The following NBAS variants were observed in gnomAD, a reference collection of about 807,000 sequenced individuals.
NBAS encodes NBAS subunit of NRZ tethering complex.
In NBAS, 219 loss-of-function variants were observed where a neutral mutation model predicts 302.5. That is an observed-to-expected ratio of 0.72 (90% CI 0.65 to 0.81). The LOEUF (loss-of-function observed/expected upper bound fraction) is 0.81. Ranked by LOEUF, NBAS falls within the 30% of genes least tolerant of loss-of-function variation. The pLI, the probability that NBAS is intolerant of heterozygous loss-of-function variation, is 0.00. For missense variants in NBAS, 2,932 were observed against 2,841.6 expected, an observed-to-expected ratio of 1.03 and a Z score of -0.72; for synonymous variants, 1,118 against 1,021.6, an observed-to-expected ratio of 1.09 and a Z score of -1.80.
intron 3 of NBAS, among the ~76,000 whole-genome samples, chr2:15,555,277 A>T (rs1664593286): frequency 6.6e-6 from 1 of 151,710 alleles, no homozygotes; most frequent in African/African-American, 2.4e-5. Flanking sequence ...AAAAAAAAAA[A>T]TTAGTAATAT....
chr2:15,292,893 A>T, intron 40 of NBAS, 127 bp from the exon 41 acceptor site: 1 of 951,964 alleles, frequency 1.1e-6, no homozygotes, highest in East Asian at 2.6e-5. Flanking sequence ...CCATTTCATA[A>T]GGCTCACAAC....
intron 7 of NBAS, 65 bp downstream of exon 7, chr2:15,539,158 A>T: frequency 6.3e-7 from 1 of 1,597,668 alleles, no homozygotes; most frequent in Non-Finnish European, 8.6e-7. Flanking sequence ...ACACTCTTTT[A>T]TTCAAGTACC....
At chr2:15,402,528 TATCAGCTGAA>T (rs71850937) in intron 25 of NBAS, among the ~76,000 whole-genome samples, 1,905 of 152,288 alleles carry the variant, frequency 0.013, 37 homozygotes, top group African/African-American at 0.043. Context: ...ATAAGCTATG[TATCAGCTGAA>T]AACAGATTCT....
chr2:15,323,466 C>T (rs1671914755), intron 38 of NBAS, among the ~76,000 whole-genome samples: 1 of 152,172 alleles, frequency 6.6e-6, no homozygotes, highest in African/African-American at 2.4e-5. Flanking sequence ...AGAATGGACA[C>T]ATGAGGCTGG....
chr2:15,535,021 A>T (rs946449823), intron 8 of NBAS, among the ~76,000 whole-genome samples: 1 of 152,238 alleles, frequency 6.6e-6, no homozygotes, highest in African/African-American at 2.4e-5. Context: ...ATCATGAGCT[A>T]TTCATACAAT....
At chr2:15,149,961 G>C in the NBAS span, among the ~76,000 whole-genome samples, 1 of 150,966 alleles carries the variant, frequency 6.6e-6, no homozygotes, top group Non-Finnish European at 1.5e-5. Context: ...TGTAGTCCCA[G>C]TACTTTGAGA....
At chr2:14,948,101 T>C in the NBAS span, among the ~76,000 whole-genome samples, 1 of 152,076 alleles carries the variant, frequency 6.6e-6, no homozygotes, top group African/African-American at 2.4e-5. Context: ...AGGATAACTA[T>C]AGTCTACATT....
chr2:15,310,260 T>A (rs1262160661), intron 38 of NBAS, among the ~76,000 whole-genome samples: 1 of 152,184 alleles, frequency 6.6e-6, no homozygotes, highest in Non-Finnish European at 1.5e-5. Flanking sequence ...GAACTCTAAA[T>A]TTCCTGTGGA....
At chr2:15,328,369 A>G (rs1368155845) in intron 36 of NBAS, 57 bp from the exon 37 acceptor site, 1 of 1,426,122 alleles carries the variant, frequency 7.0e-7, no homozygotes, top group Non-Finnish European at 9.9e-7. Flanking sequence ...GCAAGGAGGT[A>G]GAAGAAGTAA....
chr2:15,394,726 C>A (rs1428607245), intron 27 of NBAS, among the ~76,000 whole-genome samples: 1 of 151,962 alleles, frequency 6.6e-6, no homozygotes, highest in Non-Finnish European at 1.5e-5. Flanking sequence ...CTGTTATAGG[C>A]AAGACTACTA....
intron 48 of NBAS, among the ~76,000 whole-genome samples, chr2:15,206,329 A>T (rs1416055540): frequency 2.0e-5 from 3 of 152,170 alleles, no homozygotes; most frequent in Non-Finnish European, 4.4e-5. Context: ...GTGTACACTC[A>T]TATGCACAAA....
the NBAS span, among the ~76,000 whole-genome samples, chr2:14,798,891 C>G: frequency 1.9e-4 from 29 of 152,098 alleles, no homozygotes; most frequent in East Asian, 4.8e-3. Context: ...ATTTTAAGAT[C>G]TGTAGAATCT....
the NBAS span, among the ~76,000 whole-genome samples, chr2:15,102,981 AAGGAAGGAAGG>A: frequency 3.3e-5 from 1 of 30,286 alleles, no homozygotes; most frequent in Non-Finnish European, 1.3e-4. Context: ...ATTAAGGAGG[AAGGAAGGAAGG>A]AAGGAAGGAA....
chr2:15,233,124 T>C (rs914237459), intron 46 of NBAS, among the ~76,000 whole-genome samples: 7 of 152,210 alleles, frequency 4.6e-5, no homozygotes, highest in African/African-American at 1.7e-4. Flanking sequence ...ATGTCTTTGT[T>C]ATTTCGTGCC....
intron 16 of NBAS, among the ~76,000 whole-genome samples, chr2:15,469,068 A>G (rs1302871859): frequency 1.3e-5 from 2 of 151,964 alleles, no homozygotes. Context: ...CCTCCCAACT[A>G]TTTCCTCCAA....
At chr2:15,157,665 C>T in the NBAS span, among the ~76,000 whole-genome samples, 49 of 152,116 alleles carry the variant, frequency 3.2e-4, no homozygotes, top group African/African-American at 1.2e-3. Context: ...TATTTTTGCC[C>T]TAGAGAGAAG....
At chr2:14,925,442 T>C in the NBAS span, among the ~76,000 whole-genome samples, 57 of 152,348 alleles carry the variant, frequency 3.7e-4, no homozygotes, top group East Asian at 0.011. Context: ...TTGCCAATTA[T>C]TAATTAAATT....
intron 6 of NBAS, among the ~76,000 whole-genome samples, chr2:15,548,697 T>C (rs751994118): frequency 8.6e-5 from 13 of 151,662 alleles, no homozygotes; most frequent in Admixed American, 3.3e-4. Flanking sequence ...AAGTAAGTGC[T>C]GTGATATAGG....
chr2:14,986,656 T>C, the NBAS span, among the ~76,000 whole-genome samples: 269 of 152,218 alleles, frequency 1.8e-3, no homozygotes, highest in Middle Eastern at 6.8e-3. Context: ...AAATAGACCA[T>C]AGCTTACCAC....
Sources: allele counts gnomAD v4.1 joint callset (sites outside exome capture counted in the v4.1 genomes callset), GRCh38; gene constraint gnomAD v4.1.1; transcripts MANE v1.5; gene names NCBI Gene and HGNC (gene_info 2026-07-23, HGNC 2026-07-21).